The following KDM1B variants were observed in gnomAD, a reference collection of about 807,000 sequenced individuals.
KDM1B encodes the protein lysine demethylase 1B.
A neutral mutation model predicts 107.4 loss-of-function variants in KDM1B; 63 were observed. That is an observed-to-expected ratio of 0.59 (90% CI 0.48 to 0.72). The LOEUF (loss-of-function observed/expected upper bound fraction) is 0.72. Ranked by LOEUF, KDM1B falls within the 30% of genes least tolerant of loss-of-function variation. The pLI, the probability that KDM1B is intolerant of heterozygous loss-of-function variation, is 0.00. For synonymous variants in KDM1B, 363 were observed against 363.9 expected (o/e 1.00, Z 0.03); for missense variants, 749 against 1,020.8 (o/e 0.73, Z 3.63).
rs928893311 is a variant in KDM1B, at chr6:18,203,594, T to C, written c.1531+1937T>C. Among the ~76,000 whole-genome samples, 1 of 152,200 alleles carries C rather than the reference T, an allele frequency of 6.6e-6. No individual in the cohort carries two copies. Among genetic ancestry groups the C allele is most frequent in the Non-Finnish European group, 1.5e-5 (1 of 68,040 alleles). ...TGTGCTGGGCGCGGTGGCTAACGCC[T>C]GTAATCTCAGCACTTTGGGAGGCCA... On this transcript the variant is annotated intron_variant, in intron 14 of 21. Transcript: ENST00000650836. The surrounding 1 kb of genome is among the most constrained non-coding windows in gnomAD (Gnocchi z 5.5).
intron 3 of KDM1B, 95 bp from the exon 4 acceptor site, chr6:18,161,232 G>A: frequency 6.8e-6 from 8 of 1,171,430 alleles, no homozygotes; most frequent in Middle Eastern, 2.0e-4. Context: ...TGACCTTCAT[G>A]TTTAGAACTC....
At position 18,203,665 on chromosome 6, in the gene KDM1B, T is replaced by C. The variant is rs1426410971; in HGVS notation, c.1532-1872T>C. Among the ~76,000 whole-genome samples the C allele has an allele frequency of 1.3e-5, 2 of 151,926 alleles. No homozygotes were observed. Among genetic ancestry groups the C allele is most frequent in the Admixed American group, 6.6e-5 (1 of 15,250 alleles). ...TTCAGGAGTTCGAGACCAGCCTGGCTAACATGGTGAAACCCTGTCTCTACT... is the reference window on the plus strand; with the variant it reads ...TTCAGGAGTTCGAGACCAGCCTGGCCAACATGGTGAAACCCTGTCTCTACT... On this transcript the variant is annotated intron_variant, in intron 14 of 21. Coordinates refer to ENST00000650836, the MANE Select transcript of KDM1B (RefSeq NM_001364614.2). This position sits in a 1 kb window ranked among gnomAD's most constrained non-coding sequence, Gnocchi z 5.5.
At chr6:18,218,966 G>A (rs1789455867) in intron 21 of KDM1B, among the ~76,000 whole-genome samples, 2 of 152,002 alleles carry the variant, frequency 1.3e-5, no homozygotes, top group African/African-American at 2.4e-5. Context: ...GCAGTGGCAC[G>A]ATCTCAGCTC....
intron 21 of KDM1B, among the ~76,000 whole-genome samples, chr6:18,220,713 C>CATGG (rs1789631774): frequency 6.6e-6 from 1 of 152,024 alleles, no homozygotes; most frequent in African/African-American, 2.4e-5. Context: ...GGGTCATGAA[C>CATGG]ATGGCTTAGA....
chr6:18,198,402 T>C (rs1344728679), intron 12 of KDM1B, among the ~76,000 whole-genome samples: 1 of 151,706 alleles, frequency 6.6e-6, no homozygotes, highest in East Asian at 1.9e-4. Context: ...CTAATTTTTG[T>C]ATTTTTGGTA....
rs575281499 is a variant in KDM1B at position 18,160,610 on chromosome 6, C to T, written c.87+628C>T. Among the ~76,000 whole-genome samples, 411 of 151,864 alleles carry T rather than the reference C, an allele frequency of 2.7e-3. 1 individual carries two copies. Among genetic ancestry groups the T allele is most frequent in the African/African-American group, 9.6e-3 (399 of 41,400 alleles). ...AAAATTAGCTGGGTGTGGTGGCGGG[C>T]GCCTGTAGTCTCAGCTACTCGGGAG... On this transcript the variant is annotated intron_variant, in intron 3 of 21. Coordinates refer to ENST00000650836, the MANE Select transcript of KDM1B (RefSeq NM_001364614.2).
intron 21 of KDM1B, among the ~76,000 whole-genome samples, chr6:18,219,059 C>T (rs374779775): frequency 3.3e-5 from 5 of 152,150 alleles, no homozygotes; most frequent in Non-Finnish European, 1.5e-5. Context: ...CCCGCCACCA[C>T]GCCCGACTAA....
intron 3 of KDM1B, among the ~76,000 whole-genome samples, chr6:18,160,590 T>C (rs1784902498): frequency 1.3e-5 from 2 of 151,872 alleles, no homozygotes; most frequent in Non-Finnish European, 2.9e-5. Flanking sequence ...TGCAAAAAAT[T>C]AGCTGGGTGT....
chr6:18,221,647 T>C (rs950163269), intron 21 of KDM1B, among the ~76,000 whole-genome samples: 23 of 152,226 alleles, frequency 1.5e-4, no homozygotes, highest in African/African-American at 5.3e-4. Flanking sequence ...TTAATTGTTC[T>C]TAACTCTAGT....
intron 7 of KDM1B, among the ~76,000 whole-genome samples, chr6:18,182,657 C>T (rs1561923941): frequency 6.6e-6 from 1 of 152,034 alleles, no homozygotes; most frequent in Non-Finnish European, 1.5e-5. Flanking sequence ...TCACCTGACT[C>T]AGCCTCTCAC....
At chr6:18,221,850 C>T in intron 21 of KDM1B, 59 bp from the exon 22 acceptor site, 3 of 1,349,512 alleles carry the variant, frequency 2.2e-6, no homozygotes, top group South Asian at 1.4e-5. Context: ...CCTTGTTTTA[C>T]CTTTTGATAT....
At chr6:18,179,047 T>C (rs949604542) in intron 7 of KDM1B, among the ~76,000 whole-genome samples, 3 of 152,364 alleles carry the variant, frequency 2.0e-5, no homozygotes, top group Non-Finnish European at 4.4e-5. Context: ...TATAGCTCTT[T>C]GTAGACATTC....
chr6:18,166,418 G>C (rs1385451390), intron 6 of KDM1B, 40 bp downstream of exon 6: 1 of 1,171,552 alleles, frequency 8.5e-7, no homozygotes, highest in South Asian at 1.2e-5. Context: ...AGTATTTGTG[G>C]AGCCAAATGC....
chr6:18,213,246 G>C lies in KDM1B; in HGVS notation c.1984-410G>C, dbSNP rs1490813439. 6.6e-6 allele frequency among the ~76,000 whole-genome samples: 1 copy of C among 152,120 alleles called. No individual in the cohort carries two copies. Among genetic ancestry groups the C allele is most frequent in the Non-Finnish European group, 1.5e-5 (1 of 68,024 alleles). On this transcript the variant is annotated intron_variant, in intron 18 of 21. Coordinates refer to ENST00000650836, the MANE Select transcript of KDM1B (RefSeq NM_001364614.2). This position sits in a 1 kb window ranked among gnomAD's most constrained non-coding sequence, Gnocchi z 5.9. ...GAGGTCAGGAGTTCAAGACCAGCCT[G>C]ACCAACATGGTGAAACCTCATCTCT...
rs113679388 is a variant in KDM1B at position 18,213,776 on chromosome 6, C to T, written c.2104C>T (p.Pro702Ser). ...GLFAVFYDMDPQKKHSVLMSV... is the reference protein window; with the variant it reads ...GLFAVFYDMDSQKKHSVLMSV... ...TTTTGCCGTGTTCTATGACATGGATCCCCAGGTAAAATCATTCGTGAACTG... is the reference window on the plus strand; with the variant it reads ...TTTTGCCGTGTTCTATGACATGGATTCCCAGGTAAAATCATTCGTGAACTG... Residue 702 changes from proline to serine, a missense_variant, in exon 19 of 22, where the codon CCC (proline) becomes TCC (serine). Physicochemically the swap from Pro to Ser is moderately conservative, Grantham distance 74. Coordinates refer to ENST00000650836, the MANE Select transcript of KDM1B (RefSeq NM_001364614.2). The surrounding 1 kb of genome is among the most constrained non-coding windows in gnomAD (Gnocchi z 5.9). The T allele has an allele frequency of 2.1e-5, 34 of 1,613,938 alleles. No homozygotes were observed. The African/African-American group carries it at 2.7e-4, about 13-fold the overall frequency.
intron 21 of KDM1B, among the ~76,000 whole-genome samples, chr6:18,219,956 C>T (rs558649205): frequency 6.6e-6 from 1 of 152,184 alleles, no homozygotes; most frequent in Admixed American, 6.5e-5. Flanking sequence ...GAGTTGCAGC[C>T]GGTCAAGTGG....
intron 3 of KDM1B, among the ~76,000 whole-genome samples, chr6:18,160,309 G>C (rs1208735005): frequency 6.6e-6 from 1 of 152,140 alleles, no homozygotes; most frequent in African/African-American, 2.4e-5. Context: ...ATAGGAATTT[G>C]GACTTCAGCT....
intron 21 of KDM1B, among the ~76,000 whole-genome samples, 166 bp from the exon 22 acceptor site, chr6:18,221,743 C>T (rs1226751657): frequency 6.6e-6 from 1 of 152,126 alleles, no homozygotes; most frequent in East Asian, 1.9e-4. Context: ...AATGCATGGC[C>T]AGATAACCAG....
intron 17 of KDM1B, among the ~76,000 whole-genome samples, chr6:18,210,362 T>TTTTG (rs1788769149): frequency 9.8e-6 from 1 of 101,932 alleles, no homozygotes; most frequent in Non-Finnish European, 1.9e-5. Flanking sequence ...TTTTTTTTTT[T>TTTTG]TTTTTTTTTT....
Sources: gnomAD v4.1 joint callset for allele counts (sites outside exome capture counted in the v4.1 genomes callset) on GRCh38, gnomAD v4.1.1 for gene constraint, Gnocchi (gnomAD v3.1) non-coding constraint, MANE v1.5 for transcripts, NCBI Gene and HGNC (gene_info 2026-07-23, HGNC 2026-07-21) for gene names.